The following DOK6 variants were observed in gnomAD, a reference collection of about 807,000 sequenced individuals.
The protein encoded by DOK6 is docking protein 6.
A neutral mutation model predicts 44.0 loss-of-function variants in DOK6; 22 were observed. That is an observed-to-expected ratio of 0.50 (90% CI 0.36 to 0.71). The LOEUF (loss-of-function observed/expected upper bound fraction) is 0.71, where lower values mean the gene tolerates loss of function less well. Ranked by LOEUF, DOK6 falls within the 30% of genes least tolerant of loss-of-function variation. The pLI, the probability that DOK6 is intolerant of heterozygous loss-of-function variation, is 0.00. For synonymous variants in DOK6, 166 were observed against 145.5 expected (o/e 1.14, Z -1.01); for missense variants, 340 against 416.4 (o/e 0.82, Z 1.60).
chr18:69,655,081 G>A (rs1021579576), intron 3 of DOK6, among the ~76,000 whole-genome samples: 8 of 152,016 alleles, frequency 5.3e-5, no homozygotes, highest in Admixed American at 2.6e-4. Flanking sequence ...AAGAATTCTA[G>A]GTGTATGAGT....
At chr18:69,755,544 GTT>G (rs1241608686) in intron 6 of DOK6, among the ~76,000 whole-genome samples, 4 of 152,210 alleles carry the variant, frequency 2.6e-5, no homozygotes, top group Admixed American at 6.5e-5. Flanking sequence ...GTTTAATTAA[GTT>G]TATGCCTCAT....
intron 3 of DOK6, among the ~76,000 whole-genome samples, chr18:69,669,948 A>T (rs923333879): frequency 6.6e-6 from 1 of 152,218 alleles, no homozygotes; most frequent in African/African-American, 2.4e-5. Context: ...TATTACTGAC[A>T]TAACAAATTG....
At chr18:69,565,509 GTGTGTGTGTGTGTATATA>G (rs758591829) in intron 2 of DOK6, among the ~76,000 whole-genome samples, 2,855 of 57,296 alleles carry the variant, frequency 0.05, 63 homozygotes, top group Non-Finnish European at 0.084. Flanking sequence ...GTGTGTGTGT[GTGTGTGTGTGTGTATATA>G]TATATACATA....
intron 1 of DOK6, among the ~76,000 whole-genome samples, chr18:69,459,053 G>A (rs1025683270): frequency 3.3e-5 from 5 of 151,000 alleles, no homozygotes; most frequent in Non-Finnish European, 5.9e-5. Flanking sequence ...CTGACATCAC[G>A]CCACTGCACT....
chr18:69,636,574 A>G (rs540198443), intron 3 of DOK6, among the ~76,000 whole-genome samples: 77 of 152,380 alleles, frequency 5.1e-4, no homozygotes, highest in Non-Finnish European at 8.5e-4. Context: ...CAGGAGGACA[A>G]TAGCAAAGAA....
intron 3 of DOK6, among the ~76,000 whole-genome samples, chr18:69,668,443 C>T (rs1985713753): frequency 6.6e-6 from 1 of 152,042 alleles, no homozygotes; most frequent in South Asian, 2.1e-4. Flanking sequence ...TTGTTCATTT[C>T]CATTCTTAGT....
chr18:69,801,682 C>T (rs1980909625), intron 7 of DOK6, among the ~76,000 whole-genome samples: 1 of 152,194 alleles, frequency 6.6e-6, no homozygotes. Context: ...CTTTGTCCCA[C>T]CTCTTCACAC....
intron 3 of DOK6, chr18:69,662,503 A>C (rs999979282): frequency 6.6e-6 from 1 of 152,182 alleles, no homozygotes; most frequent in Non-Finnish European, 1.5e-5. Context: ...GTTTATTACT[A>C]CTTGCTCCAA....
chr18:69,471,096 A>T (rs543018503), intron 1 of DOK6, among the ~76,000 whole-genome samples: 1 of 151,618 alleles, frequency 6.6e-6, no homozygotes, highest in Non-Finnish European at 1.5e-5. Context: ...CTAAAAATAC[A>T]AAATTAGCCG....
At chr18:69,623,077 G>A (rs1984480046) in intron 3 of DOK6, among the ~76,000 whole-genome samples, 2 of 152,152 alleles carry the variant, frequency 1.3e-5, no homozygotes, top group South Asian at 2.1e-4. Flanking sequence ...CTCCCTTACT[G>A]TTCTCATGAC....
chr18:69,667,557 G>C (rs1248912574), intron 3 of DOK6, among the ~76,000 whole-genome samples: 1 of 152,138 alleles, frequency 6.6e-6, no homozygotes, highest in Non-Finnish European at 1.5e-5. Context: ...TGCTCTCCAG[G>C]TTGGAAAAAT....
At chr18:69,802,106 C>T (rs961858814) in intron 7 of DOK6, among the ~76,000 whole-genome samples, 7 of 152,114 alleles carry the variant, frequency 4.6e-5, no homozygotes, top group African/African-American at 1.7e-4. Flanking sequence ...ACCCCACCCT[C>T]CCATGATAAG....
intron 1 of DOK6, among the ~76,000 whole-genome samples, chr18:69,557,150 C>G (rs773258760): frequency 2.0e-5 from 3 of 152,186 alleles, no homozygotes; most frequent in Middle Eastern, 3.2e-3. Context: ...TACGACACTT[C>G]GTTCTATAAT....
chr18:69,830,649 A>G (rs1489830835), intron 7 of DOK6, among the ~76,000 whole-genome samples: 1 of 152,202 alleles, frequency 6.6e-6, no homozygotes, highest in African/African-American at 2.4e-5. Flanking sequence ...AGACTAAGAC[A>G]TAGCTTTACC....
intron 7 of DOK6, among the ~76,000 whole-genome samples, chr18:69,814,648 T>G (rs1402533710): frequency 6.6e-6 from 1 of 152,080 alleles, no homozygotes; most frequent in African/African-American, 2.4e-5. Context: ...AAATTTACAA[T>G]CATGGTGGAA....
At chr18:69,403,121 C>T (rs1438560973) in intron 1 of DOK6, among the ~76,000 whole-genome samples, 1 of 152,142 alleles carries the variant, frequency 6.6e-6, no homozygotes, top group Non-Finnish European at 1.5e-5. Flanking sequence ...ACTATATAAA[C>T]TAATGGATGA....
intron 3 of DOK6, among the ~76,000 whole-genome samples, chr18:69,673,230 G>GTATATATATATATA (rs71176998): frequency 1.3e-5 from 2 of 150,162 alleles, no homozygotes; most frequent in Non-Finnish European, 3.0e-5. Context: ...TTTTCTGTGT[G>GTATATATATATATA]TATATATATA....
chr18:69,560,251 A>T (rs1982795486), intron 1 of DOK6, among the ~76,000 whole-genome samples: 1 of 152,142 alleles, frequency 6.6e-6, no homozygotes, highest in Non-Finnish European at 1.5e-5. Context: ...GTGACTAAAA[A>T]ACTGTTTTTA....
At chr18:69,825,765 C>T (rs1408631027) in intron 7 of DOK6, among the ~76,000 whole-genome samples, 1 of 151,702 alleles carries the variant, frequency 6.6e-6, no homozygotes, top group East Asian at 1.9e-4. Flanking sequence ...AATTATGAAA[C>T]GAAAGTAAAA....
Sources: gnomAD v4.1 joint callset for allele counts (sites outside exome capture counted in the v4.1 genomes callset) on GRCh38, gnomAD v4.1.1 for gene constraint, MANE v1.5 for transcripts, NCBI Gene and HGNC (gene_info 2026-07-23, HGNC 2026-07-21) for gene names.